NLGN4Y: variants seen among roughly 807,000 people sequenced by gnomAD.
The protein encoded by NLGN4Y is neuroligin-4, Y-linked.
NLGN4Y carries 4 observed loss-of-function variants against 8.4 expected under a neutral mutation model. The ratio of observed to expected loss-of-function variants is 0.48; its 90% confidence interval spans 0.23 to 1.09. NLGN4Y has a LOEUF of 1.09. Ranked by LOEUF, NLGN4Y falls within the 50% of genes least tolerant of loss-of-function variation. The probability of loss-of-function intolerance (pLI) is 0.19; values close to 1 mark genes in which losing one functional copy is unlikely to be tolerated. For synonymous variants in NLGN4Y, 35 were observed against 75.6 expected, an observed-to-expected ratio of 0.46 and a Z score of 2.78; for missense variants, 90 against 192.3, an observed-to-expected ratio of 0.47 and a Z score of 3.15.
At chrY:14,689,371 G>T in intron 2 of NLGN4Y, among the ~76,000 whole-genome samples, 1 of 32,819 alleles carries the variant, frequency 3.0e-5, no homozygotes, top group African/African-American at 1.2e-4. Flanking sequence ...CCAGTTAGGG[G>T]CAGGGCAATA....
chrY:14,653,751 C>T (rs575358720), intron 2 of NLGN4Y, among the ~76,000 whole-genome samples: 111 of 33,578 alleles, frequency 3.3e-3, no homozygotes, highest in African/African-American at 0.012. Flanking sequence ...GGTTTCACCA[C>T]GTTGGCCAGC....
chrY:14,640,680 A>G, intron 2 of NLGN4Y, among the ~76,000 whole-genome samples: 1 of 34,151 alleles, frequency 2.9e-5, no homozygotes, highest in African/African-American at 1.1e-4. Flanking sequence ...CAGAGCCCAC[A>G]GTGGGCTTAG....
chrY:14,824,151 T>A (rs2043134479), intron 4 of NLGN4Y, 37 bp from the exon 5 acceptor site: 1 of 391,557 alleles, frequency 2.6e-6, no homozygotes, highest in Non-Finnish European at 3.6e-6. Flanking sequence ...GTACACAATT[T>A]TTTTGACCAA....
intron 4 of NLGN4Y, among the ~76,000 whole-genome samples, chrY:14,785,783 A>AG (rs2042963621): frequency 6.3e-5 from 2 of 31,553 alleles, no homozygotes; most frequent in East Asian, 8.0e-4. Context: ...AAAAAAAAAA[A>AG]AAAGTCAAAA....
intron 1 of NLGN4Y, among the ~76,000 whole-genome samples, chrY:14,576,397 G>A (rs2080298981): frequency 3.0e-5 from 1 of 33,569 alleles, no homozygotes; most frequent in Admixed American, 2.7e-4. Context: ...GCCAGGCGCA[G>A]GATATAATCT....
chrY:14,578,778 A>G (rs937059991), intron 1 of NLGN4Y, among the ~76,000 whole-genome samples: 2 of 33,643 alleles, frequency 5.9e-5, no homozygotes, highest in Non-Finnish European at 1.5e-4. Flanking sequence ...TCAATATGAG[A>G]TTTGGGTGAG....
At chrY:14,671,703 A>G (rs2080711401) in intron 2 of NLGN4Y, among the ~76,000 whole-genome samples, 13 of 30,720 alleles carry the variant, frequency 4.2e-4, no homozygotes. Flanking sequence ...AAAATTAGCC[A>G]GGTATGGTGG....
intron 2 of NLGN4Y, among the ~76,000 whole-genome samples, chrY:14,651,436 T>C: frequency 3.0e-5 from 1 of 33,557 alleles, no homozygotes; most frequent in Non-Finnish European, 7.4e-5. Flanking sequence ...AATTAATTAT[T>C]ATTAGTAGTA....
chrY:14,738,628 A>G (rs2080997657), intron 4 of NLGN4Y, among the ~76,000 whole-genome samples: 1 of 32,752 alleles, frequency 3.1e-5, no homozygotes, highest in Non-Finnish European at 7.5e-5. Flanking sequence ...CTGATAATCT[A>G]GTATTTTCAG....
intron 4 of NLGN4Y, among the ~76,000 whole-genome samples, chrY:14,819,022 TCTTAAGGCCTCTTGTAGCTG>T (rs2043112695): frequency 6.0e-5 from 2 of 33,367 alleles, no homozygotes; most frequent in East Asian, 8.1e-4. Flanking sequence ...GAATATATTT[TCTTAAGGCCTCTTGTAGCTG>T]CTCAAGGAAG....
At chrY:14,839,928 G>A in intron 6 of NLGN4Y, among the ~76,000 whole-genome samples, 2 of 32,718 alleles carry the variant, frequency 6.1e-5, no homozygotes, top group Non-Finnish European at 1.5e-4. Flanking sequence ...GTGCACCAGA[G>A]GGTGTTTAGT....
chrY:14,758,874 C>A, intron 4 of NLGN4Y, among the ~76,000 whole-genome samples: 1 of 33,679 alleles, frequency 3.0e-5, no homozygotes, highest in Non-Finnish European at 7.3e-5. Flanking sequence ...AAGCTATAAT[C>A]TTAAATATAA....
At chrY:14,758,659 G>C (rs915230906) in intron 4 of NLGN4Y, among the ~76,000 whole-genome samples, 1 of 32,934 alleles carries the variant, frequency 3.0e-5, no homozygotes, top group Non-Finnish European at 7.4e-5. Context: ...TTTTGAGGCA[G>C]GGTCTCTCTG....
chrY:14,825,901 C>T (rs2043143742), intron 5 of NLGN4Y, among the ~76,000 whole-genome samples: 1 of 33,493 alleles, frequency 3.0e-5, no homozygotes, highest in Non-Finnish European at 7.4e-5. Flanking sequence ...ACCAGATGTG[C>T]ACTTGGGCCT....
chrY:14,802,869 A>ATATC (rs2043042067), intron 4 of NLGN4Y, among the ~76,000 whole-genome samples: 1 of 22,788 alleles, frequency 4.4e-5, no homozygotes. Flanking sequence ...TATAAAATAT[A>ATATC]ATGTATAATT....
chrY:14,665,842 T>C, intron 2 of NLGN4Y, among the ~76,000 whole-genome samples: 2 of 33,165 alleles, frequency 6.0e-5, no homozygotes, highest in African/African-American at 2.4e-4. Context: ...TCATTCTTGA[T>C]ACTTTTCTAT....
At chrY:14,587,795 A>G in intron 1 of NLGN4Y, among the ~76,000 whole-genome samples, 1 of 32,706 alleles carries the variant, frequency 3.1e-5, no homozygotes, top group African/African-American at 1.2e-4. Context: ...TCATATTCAT[A>G]TTATTGAATA....
intron 1 of NLGN4Y, among the ~76,000 whole-genome samples, chrY:14,550,997 C>T: frequency 9.0e-5 from 3 of 33,387 alleles, no homozygotes; most frequent in Non-Finnish European, 1.5e-4. Context: ...CTTCCTATAA[C>T]TTTCAGATAT....
At chrY:14,575,941 C>T in intron 1 of NLGN4Y, among the ~76,000 whole-genome samples, 1 of 32,947 alleles carries the variant, frequency 3.0e-5, no homozygotes, top group Admixed American at 2.8e-4. Flanking sequence ...CCTGATTGTT[C>T]CCCTGGAAGT....
Sources: gnomAD v4.1 joint callset for allele counts (sites outside exome capture counted in the v4.1 genomes callset) on GRCh38, gnomAD v4.1.1 for gene constraint, MANE v1.5 for transcripts, NCBI Gene and HGNC (gene_info 2026-07-23, HGNC 2026-07-21) for gene names.